The following NUCKS1 variants were observed in gnomAD, a reference collection of about 807,000 sequenced individuals.
NUCKS1 encodes nuclear casein kinase and cyclin dependent kinase substrate 1.
In NUCKS1, 2 loss-of-function variants were observed where a neutral mutation model predicts 33.0. The observed-to-expected ratio is 0.06, with a 90% CI of 0.02 to 0.19. The LOEUF is 0.19. Among genes scored for constraint, NUCKS1 ranks in the 10% least tolerant of loss-of-function variants. The pLI is 1.00. For synonymous variants in NUCKS1, 106 were observed against 102.8 expected (o/e 1.03, Z -0.19); for missense variants, 201 against 293.6 (o/e 0.68, Z 2.31).
chr1:205,739,976 T>G (rs899678528), intron 1 of NUCKS1, among the ~76,000 whole-genome samples: 9 of 148,578 alleles, frequency 6.1e-5, no homozygotes, highest in Admixed American at 4.1e-4. Context: ...GTATTTTACA[T>G]CATCCTGCTA....
At chr1:205,742,731 G>A (rs1354108345) in intron 1 of NUCKS1, among the ~76,000 whole-genome samples, 1 of 152,122 alleles carries the variant, frequency 6.6e-6, no homozygotes, top group Non-Finnish European at 1.5e-5. Flanking sequence ...AGGCTGAGGC[G>A]GGAGAATGGC....
At chr1:205,742,589 C>T (rs1436549735) in intron 1 of NUCKS1, among the ~76,000 whole-genome samples, 1 of 152,260 alleles carries the variant, frequency 6.6e-6, no homozygotes, top group East Asian at 1.9e-4. Flanking sequence ...CTTTGGGAGG[C>T]CGAGGTGGGC....
chr1:205,742,747 C>T (rs1227716071), intron 1 of NUCKS1, among the ~76,000 whole-genome samples: 3 of 152,168 alleles, frequency 2.0e-5, no homozygotes, highest in Non-Finnish European at 2.9e-5. Context: ...ATGGCGTGAA[C>T]CCGGGAGGCG....
At chr1:205,740,285 G>A (rs183628147) in intron 1 of NUCKS1, among the ~76,000 whole-genome samples, 11 of 151,934 alleles carry the variant, frequency 7.2e-5, no homozygotes, top group Non-Finnish European at 1.5e-4. Context: ...GATTATAGGC[G>A]TAAACCACCA....
At chr1:205,734,520 A>G (rs1028903703) in intron 1 of NUCKS1, among the ~76,000 whole-genome samples, 3 of 152,212 alleles carry the variant, frequency 2.0e-5, no homozygotes, top group Admixed American at 6.5e-5. Context: ...CATAAATGCT[A>G]AAGAGGGAAA....
intron 1 of NUCKS1, among the ~76,000 whole-genome samples, chr1:205,734,870 G>C (rs1654000347): frequency 6.6e-6 from 1 of 152,072 alleles, no homozygotes; most frequent in Admixed American, 6.6e-5. Flanking sequence ...ACTCCAGCCT[G>C]GGTGATAGAG....
At chr1:205,729,156 A>G (rs1653848886) in intron 2 of NUCKS1, among the ~76,000 whole-genome samples, 1 of 152,132 alleles carries the variant, frequency 6.6e-6, no homozygotes, top group African/African-American at 2.4e-5. Context: ...TTTAGCAGAG[A>G]TGGGGTTTCA....
At chr1:205,749,506 T>G (rs370218853) in intron 1 of NUCKS1, among the ~76,000 whole-genome samples, 3,109 of 150,764 alleles carry the variant, frequency 0.021, 43 homozygotes, top group African/African-American at 0.029. Flanking sequence ...CGCCAGTCGC[T>G]GGGGGAAGGG....
intron 6 of NUCKS1, among the ~76,000 whole-genome samples, chr1:205,719,205 G>A (rs761204459): frequency 1.3e-5 from 2 of 152,196 alleles, no homozygotes; most frequent in Non-Finnish European, 2.9e-5. Flanking sequence ...TGTGATACCA[G>A]TGAGGAAAAA....
intron 1 of NUCKS1, among the ~76,000 whole-genome samples, chr1:205,747,701 T>C (rs939239652): frequency 1.3e-5 from 2 of 152,228 alleles, no homozygotes; most frequent in African/African-American, 4.8e-5. Context: ...TTTTTTGTTT[T>C]TAAAACAAGG....
rs1260681454 is a variant in NUCKS1, at chr1:205,739,997, G to T, written c.17+9960C>A. On this transcript the variant is annotated intron_variant, in intron 1 of 6. Coordinates refer to ENST00000367142, the MANE Select transcript of NUCKS1 (RefSeq NM_022731.5). ...TACATCATCCTGCTATTTACTTTAG[G>T]TTTTTTTTTTTTTTTTTTTTTGAGA... Among the ~76,000 whole-genome samples, 45 of 81,774 alleles carry T rather than the reference G, an allele frequency of 5.5e-4. 1 individual carries two copies. The highest frequency in any genetic ancestry group is 5.6e-4 in the Admixed American group (3 of 5,354). 53.6% of individuals were successfully genotyped at this position (81,774 alleles called of 152,430 possible).
rs1671793741 is a variant in NUCKS1, at chr1:205,714,620, A to G, written c.*3660T>C. On this transcript the variant is annotated 3_prime_UTR_variant, in exon 7 of 7. Transcript: ENST00000367142. ...TTGGCTATAGATAGCTTGATGTCCC[A>G]ATATTCAAACAATAAGCCAACTCTC... 6.6e-6 allele frequency: 1 copy of G among 152,214 alleles called. No homozygotes were observed. Among genetic ancestry groups the G allele is most frequent in the African/African-American group, 2.4e-5 (1 of 41,464 alleles). The allele number at this position is 152,214 out of a possible 1,614,324, so 9.4% of individuals were successfully genotyped here.
intron 1 of NUCKS1, among the ~76,000 whole-genome samples, chr1:205,736,677 A>G (rs1654042389): frequency 6.6e-6 from 1 of 151,996 alleles, no homozygotes. Context: ...ATAAAAAATA[A>G]AAAATTAGCC....
intron 1 of NUCKS1, among the ~76,000 whole-genome samples, chr1:205,742,842 T>TAAAC (rs1654213158): frequency 1.3e-5 from 2 of 151,726 alleles, no homozygotes; most frequent in African/African-American, 4.8e-5. Flanking sequence ...AAAAAATAAA[T>TAAAC]AAATAAACAA....
At position 205,717,618 on chromosome 1, in the gene NUCKS1, G is replaced by C; in HGVS notation, c.*662C>G. 21 of 984,944 alleles carry C rather than the reference G, an allele frequency of 2.1e-5. 1 individual carries two copies. Among genetic ancestry groups the C allele is most frequent in the Non-Finnish European group, 2.2e-5 (18 of 829,930 alleles). The allele number at this position is 984,944 out of a possible 1,614,324, so 61.0% of individuals were successfully genotyped here. ...AAGCCCATACCCTCAAATAAGGTCAGGTAACCCCATTGCCCACCCTCCCTA... is the reference window on the plus strand; with the variant it reads ...AAGCCCATACCCTCAAATAAGGTCACGTAACCCCATTGCCCACCCTCCCTA... On this transcript the variant is annotated 3_prime_UTR_variant, in exon 7 of 7. Coordinates refer to ENST00000367142, the MANE Select transcript of NUCKS1 (RefSeq NM_022731.5).
At chr1:205,740,241 G>A (rs761959939) in intron 1 of NUCKS1, among the ~76,000 whole-genome samples, 28 of 151,584 alleles carry the variant, frequency 1.8e-4, no homozygotes, top group Non-Finnish European at 3.4e-4. Flanking sequence ...CAGGACTCAA[G>A]CAATCCACCC....
intron 1 of NUCKS1, among the ~76,000 whole-genome samples, chr1:205,736,590 C>T (rs1204871443): frequency 2.0e-5 from 3 of 151,796 alleles, no homozygotes; most frequent in South Asian, 2.1e-4. Flanking sequence ...TTTGAGAGGC[C>T]GAGGCAGTGG....
intron 1 of NUCKS1, among the ~76,000 whole-genome samples, chr1:205,741,297 C>CAAAAAAAAAAAAAAAAAAAAA (rs56979923): frequency 3.8e-5 from 3 of 78,916 alleles, no homozygotes; most frequent in African/African-American, 5.0e-5. Context: ...GAGACTGTCT[C>CAAAAAAAAAAAAAAAAAAAAA]AAAAAAAAAA....
rs1028545741 is a variant in NUCKS1 at position 205,727,814 on chromosome 1, T to C, written c.68-9A>G. 3.2e-6 allele frequency: 5 copies of C among 1,572,052 alleles called. No individual in the cohort carries two copies. The Middle Eastern group carries it at 5.0e-4, about 158-fold the overall frequency. ...TCTTCCATAATCTTCATCTAAACAG[T>C]GTTTTTCAAACTTAATTAACTATGA... On this transcript the variant is annotated splice_polypyrimidine_tract_variant and intron_variant, in intron 2 of 6. Coordinates refer to ENST00000367142, the MANE Select transcript of NUCKS1 (RefSeq NM_022731.5).
Sources: gnomAD v4.1 joint callset for allele counts (sites outside exome capture counted in the v4.1 genomes callset) on GRCh38, gnomAD v4.1.1 for gene constraint, MANE v1.5 for transcripts, NCBI Gene and HGNC (gene_info 2026-07-23, HGNC 2026-07-21) for gene names.